Variants in PPP2R5E observed in about 807,000 individuals in gnomAD.
PPP2R5E encodes the protein protein phosphatase 2 regulatory subunit B'epsilon.
Under a neutral mutation model 65.3 loss-of-function variants are expected in PPP2R5E, and 4 were observed. The observed-to-expected ratio is 0.06, with a 90% CI of 0.03 to 0.14. The LOEUF is 0.14. Among genes scored for constraint, PPP2R5E ranks in the 10% least tolerant of loss-of-function variants. The probability of loss-of-function intolerance (pLI) is 1.00; values close to 1 mark genes in which losing one functional copy is unlikely to be tolerated. For missense variants in PPP2R5E, 274 were observed against 556.1 expected (o/e 0.49, Z 5.10); for synonymous variants, 183 against 187.4 (o/e 0.98, Z 0.19).
At chr14:63,491,304 C>T (rs910961997) in intron 2 of PPP2R5E, among the ~76,000 whole-genome samples, 4 of 151,924 alleles carry the variant, frequency 2.6e-5, no homozygotes, top group Admixed American at 6.6e-5. Flanking sequence ...AAGTTCAATT[C>T]GAAACCAAAC....
In PPP2R5E at chr14:63,431,368, C is replaced by T. The variant is rs17825015; in HGVS notation, c.355-9274G>A. Among the ~76,000 whole-genome samples the T allele has an allele frequency of 7.8e-3, 1,191 of 152,052 alleles. 39 individuals carry two copies. In the East Asian group the frequency reaches 0.11, roughly 14 times the overall value. On this transcript the variant is annotated intron_variant, in intron 3 of 13. Coordinates refer to ENST00000337537, the MANE Select transcript of PPP2R5E (RefSeq NM_006246.5). ...CTAGAATAAGCCATCCACTGCAGGT[C>T]TAGCTTTATTGCCTAACACATTAAA... is the stretch of plus-strand genomic sequence containing the variant.
chr14:63,459,431 A>G (rs1889331563), intron 2 of PPP2R5E, among the ~76,000 whole-genome samples: 1 of 152,226 alleles, frequency 6.6e-6, no homozygotes, highest in South Asian at 2.1e-4. Context: ...CCTCAAAACG[A>G]GGAGACAACT....
At chr14:63,405,286 C>T (rs1885998554) in intron 5 of PPP2R5E, among the ~76,000 whole-genome samples, 1 of 151,922 alleles carries the variant, frequency 6.6e-6, no homozygotes, top group Admixed American at 6.5e-5. Flanking sequence ...TCAAGGAACT[C>T]GTTTGGAAAA....
At chr14:63,462,751 T>C (rs1889553188) in intron 2 of PPP2R5E, among the ~76,000 whole-genome samples, 1 of 152,158 alleles carries the variant, frequency 6.6e-6, no homozygotes, top group Non-Finnish European at 1.5e-5. Flanking sequence ...TTTAATAAAA[T>C]AAATTATTTC....
intron 5 of PPP2R5E, among the ~76,000 whole-genome samples, chr14:63,400,367 G>C (rs1885675652): frequency 6.6e-6 from 1 of 152,132 alleles, no homozygotes; most frequent in Non-Finnish European, 1.5e-5. Context: ...ATCAGCAAAG[G>C]CTTCTAAAGG....
intron 3 of PPP2R5E, among the ~76,000 whole-genome samples, chr14:63,444,708 C>T (rs57599939): frequency 0.083 from 12,560 of 151,900 alleles, 1,710 homozygotes; most frequent in African/African-American, 0.28. Context: ...CCAGAAATTC[C>T]AAGAAATCTT....
At chr14:63,384,883 G>A (rs965872010) in intron 11 of PPP2R5E, among the ~76,000 whole-genome samples, 1 of 152,028 alleles carries the variant, frequency 6.6e-6, no homozygotes, top group African/African-American at 2.4e-5. Flanking sequence ...TTTAGTAGAG[G>A]CGGGGTTTCA....
chr14:63,473,686 T>C (rs569465418), intron 2 of PPP2R5E, among the ~76,000 whole-genome samples: 1 of 152,188 alleles, frequency 6.6e-6, no homozygotes, highest in East Asian at 1.9e-4. Context: ...CTAATTGTAA[T>C]TTGGTTTTGG....
rs1029978070 is a variant in PPP2R5E, at chr14:63,463,734, A to C, written c.158-9849T>G. 8.6e-5 allele frequency among the ~76,000 whole-genome samples: 13 copies of C among 151,480 alleles called. 1 individual carries two copies. The highest frequency in any genetic ancestry group is 6.3e-4 in the South Asian group (3 of 4,786). ...GCCTCAGCCTCCCGAGTAGCTGGGA[A>C]TACAGGCGCCCGCCACCATGCCCGG... On this transcript the variant is annotated intron_variant, in intron 2 of 13. Coordinates refer to ENST00000337537, the MANE Select transcript of PPP2R5E (RefSeq NM_006246.5).
intron 2 of PPP2R5E, among the ~76,000 whole-genome samples, chr14:63,487,390 A>G (rs552932520): frequency 3.9e-5 from 6 of 152,282 alleles, no homozygotes; most frequent in Admixed American, 6.5e-5. Flanking sequence ...TTTTTCTCCA[A>G]TGCTCCTAAA....
chr14:63,479,726 A>T (rs1264454023), intron 2 of PPP2R5E, among the ~76,000 whole-genome samples: 1 of 152,246 alleles, frequency 6.6e-6, no homozygotes, highest in Admixed American at 6.5e-5. Context: ...ACCTAAAAAA[A>T]AATTCTCACT....
intron 3 of PPP2R5E, among the ~76,000 whole-genome samples, chr14:63,442,194 T>C (rs1023927108): frequency 1.3e-4 from 20 of 152,216 alleles, no homozygotes; most frequent in African/African-American, 4.8e-4. Flanking sequence ...CTCATTATCA[T>C]ATCCTTAAAT....
At chr14:63,462,976 C>T (rs1413067373) in intron 2 of PPP2R5E, among the ~76,000 whole-genome samples, 2 of 150,892 alleles carry the variant, frequency 1.3e-5, no homozygotes. Context: ...GTGGCGCATG[C>T]CTGTAATCCC....
At chr14:63,400,619 G>T (rs1319421846) in intron 5 of PPP2R5E, among the ~76,000 whole-genome samples, 2 of 148,626 alleles carry the variant, frequency 1.3e-5, no homozygotes, top group Non-Finnish European at 1.5e-5. Context: ...GAGCCCATCA[G>T]GGGAGGTAAT....
chr14:63,376,197 C>T lies in PPP2R5E; in HGVS notation c.1305-89G>A. ...ATTTTACAATTTCACCTTAACACTC[C>T]TTTATACTTAGCTTAATTGAGAAAA... is the stretch of plus-strand genomic sequence containing the variant. On this transcript the variant is annotated intron_variant, in intron 13 of 13. Coordinates refer to ENST00000337537, the MANE Select transcript of PPP2R5E (RefSeq NM_006246.5). 4.6e-6 allele frequency: 4 copies of T among 875,988 alleles called. 1 individual carries two copies. Among genetic ancestry groups the T allele is most frequent in the Middle Eastern group, 2.2e-4 (1 of 4,464 alleles). 54.3% of individuals were successfully genotyped at this position (875,988 alleles called of 1,614,324 possible). A position where few individuals can be genotyped will look rare whatever the true frequency, so the allele number is the denominator to read the frequency against.
intron 11 of PPP2R5E, among the ~76,000 whole-genome samples, chr14:63,387,552 A>T (rs1884744931): frequency 6.6e-6 from 1 of 152,232 alleles, no homozygotes; most frequent in Admixed American, 6.5e-5. Context: ...ATGAACCAGC[A>T]AATTCATTAA....
chr14:63,422,009 G>A lies in PPP2R5E; in HGVS notation c.440C>T (p.Ser147Leu), dbSNP rs1887054737. 6.2e-7 allele frequency: 1 copy of A among 1,611,142 alleles called. No homozygotes were observed. The highest frequency in any genetic ancestry group is 1.3e-5 in the African/African-American group (1 of 74,792). The change falls in exon 4 of 14, where the codon TCG (serine) becomes TTG (leucine). Residue 147 changes from serine (S) to leucine (L), a missense_variant. Physicochemically the swap from Ser to Leu is moderately radical, Grantham distance 145. Transcript: ENST00000337537. ...TCAAAGTACCTGTAAGTGTGGCCACGATGCCTCAAGGGTAGGTTCATCTTC... is the reference window on the plus strand; with the variant it reads ...TCAAAGTACCTGTAAGTGTGGCCACAATGCCTCAAGGGTAGGTTCATCTTC... Reference protein sequence around the residue: ...PEEDEPTLEASWPHLQLVYEF... With the variant: ...PEEDEPTLEALWPHLQLVYEF...
At chr14:63,396,232 G>C (rs1179138227) in intron 6 of PPP2R5E, among the ~76,000 whole-genome samples, 3 of 74,462 alleles carry the variant, frequency 4.0e-5, no homozygotes, top group African/African-American at 5.6e-5. Flanking sequence ...GGAGGAGAAG[G>C]GGGAGGAGAA....
chr14:63,371,870 A>C lies in PPP2R5E; in HGVS notation c.*4139T>G, dbSNP rs770936381. The C allele has an allele frequency of 6.6e-5, 10 of 152,182 alleles. No homozygotes were observed. The highest frequency in any genetic ancestry group is 1.3e-4 in the Non-Finnish European group (9 of 68,028). 9.4% of individuals were successfully genotyped at this position (152,182 alleles called of 1,614,324 possible). ...AATACCAAAAGATTTATGAAGCTAA[A>C]GCGAAGTCCTCAAACCAAAAGCAAC... On this transcript the variant is annotated 3_prime_UTR_variant, in exon 14 of 14. Coordinates refer to ENST00000337537, the MANE Select transcript of PPP2R5E (RefSeq NM_006246.5).
Sources: gnomAD v4.1 joint callset for allele counts (sites outside exome capture counted in the v4.1 genomes callset) on GRCh38, gnomAD v4.1.1 for gene constraint, MANE v1.5 for transcripts, NCBI Gene and HGNC (gene_info 2026-07-23, HGNC 2026-07-21) for gene names.